Variants in NSMAF observed in about 807,000 individuals in gnomAD.
NSMAF encodes the protein protein FAN.
A neutral mutation model predicts 134.9 loss-of-function variants in NSMAF; 90 were observed. The ratio of observed to expected loss-of-function variants is 0.67; its 90% CI spans 0.56 to 0.79. The LOEUF is 0.79. Among genes scored for constraint, NSMAF ranks in the 30% least tolerant of loss-of-function variants. The pLI, the probability that NSMAF is intolerant of heterozygous loss-of-function variation, is 0.00. For missense variants in NSMAF, 1,010 were observed against 1,119.0 expected (o/e 0.90, Z 1.39); for synonymous variants, 358 against 389.6 (o/e 0.92, Z 0.96).
rs1585773854 is a variant in NSMAF, at chr8:58,659,675, G to C, written c.-44C>G. 7.5e-7 allele frequency: 1 copy of C among 1,338,408 alleles called. No homozygotes were observed. Among genetic ancestry groups the C allele is most frequent in the South Asian group, 1.9e-5 (1 of 52,164 alleles). 82.9% of individuals were successfully genotyped at this position (1,338,408 alleles called of 1,614,324 possible). On this transcript the variant is annotated 5_prime_UTR_variant, in exon 1 of 31. Transcript: ENST00000038176. ...GGCGCAGAGCGCACAGGCAGGCCCC[G>C]CCGCCGCCTGCCGAGGAGGTCCGGA...
intron 9 of NSMAF, among the ~76,000 whole-genome samples, chr8:58,621,066 T>A (rs1806777987): frequency 6.6e-6 from 1 of 152,026 alleles, no homozygotes; most frequent in South Asian, 2.1e-4. Context: ...TGGTATCTGA[T>A]AGGCAGTTTT....
chr8:58,634,647 T>C (rs1191631154), intron 5 of NSMAF, among the ~76,000 whole-genome samples: 2 of 152,170 alleles, frequency 1.3e-5, no homozygotes, highest in Non-Finnish European at 2.9e-5. Flanking sequence ...TAAATCTACA[T>C]ACTAATTAAT....
intron 27 of NSMAF, among the ~76,000 whole-genome samples, chr8:58,587,309 GC>G (rs1041211366): frequency 5.9e-5 from 9 of 152,118 alleles, no homozygotes; most frequent in Admixed American, 4.6e-4. Context: ...CTATCTTGTT[GC>G]CCCAAAGAGT....
At chr8:58,652,214 G>T (rs1807601247) in intron 1 of NSMAF, among the ~76,000 whole-genome samples, 1 of 152,180 alleles carries the variant, frequency 6.6e-6, no homozygotes, top group Non-Finnish European at 1.5e-5. Context: ...GATCTTAAAA[G>T]CAGTCAGAGA....
chr8:58,643,722 G>A (rs1462925086), intron 1 of NSMAF, among the ~76,000 whole-genome samples: 2 of 151,980 alleles, frequency 1.3e-5, no homozygotes, highest in Non-Finnish European at 2.9e-5. Context: ...GTAGAGACAG[G>A]GTTTCTCCAT....
chr8:58,626,024 T>C (rs1296363862), intron 6 of NSMAF, among the ~76,000 whole-genome samples: 2 of 151,930 alleles, frequency 1.3e-5, no homozygotes, highest in South Asian at 2.1e-4. Context: ...ACCCAATATG[T>C]AGTTTTTTTA....
chr8:58,631,363 A>G (rs779240328), intron 6 of NSMAF, 133 bp downstream of exon 6: 19 of 452,112 alleles, frequency 4.2e-5, no homozygotes, highest in Non-Finnish European at 6.4e-5. Context: ...TAATTTTGTT[A>G]TAACTTCCAG....
At chr8:58,585,805 A>C (rs1254781762) in intron 29 of NSMAF, 44 bp from the exon 30 acceptor site, 2 of 1,595,580 alleles carry the variant, frequency 1.3e-6, no homozygotes, top group African/African-American at 1.3e-5. Context: ...ATCATGAAGG[A>C]AGGATATGTT....
chr8:58,601,637 A>G (rs1453712318), intron 14 of NSMAF, 102 bp from the exon 15 acceptor site: 2 of 1,382,678 alleles, frequency 1.4e-6, no homozygotes, highest in South Asian at 1.6e-5. Flanking sequence ...TAGATATACC[A>G]TATTCCTTAA....
At position 58,659,815 on chromosome 8, in the gene NSMAF, C is replaced by T. The variant is rs1002704683; in HGVS notation, c.-184G>A. On this transcript the variant is annotated 5_prime_UTR_variant, in exon 1 of 31. An upstream open reading frame in the 5' UTR loses its in-frame stop. Coordinates refer to ENST00000038176, the MANE Select transcript of NSMAF (RefSeq NM_003580.4). Reference sequence around the variant, plus strand: ...CCCGACGCGGCGTCCCGGCCGCGCTCACCGCAGCATCCTCGCGTGGGGACT... The same window carrying T: ...CCCGACGCGGCGTCCCGGCCGCGCTTACCGCAGCATCCTCGCGTGGGGACT... The T allele has an allele frequency of 6.4e-6, 2 of 310,336 alleles. No homozygotes were observed. The highest frequency in any genetic ancestry group is 5.2e-5 in the Admixed American group (1 of 19,368). The allele number at this position is 310,336 out of a possible 1,614,324, so 19.2% of individuals were successfully genotyped here. A position where few individuals can be genotyped will look rare whatever the true frequency, so the allele number is the denominator to read the frequency against.
intron 5 of NSMAF, among the ~76,000 whole-genome samples, 186 bp from the exon 6 acceptor site, chr8:58,631,732 T>C (rs1807062402): frequency 6.6e-6 from 1 of 152,030 alleles, no homozygotes; most frequent in Non-Finnish European, 1.5e-5. Flanking sequence ...AAATAACAAA[T>C]ATCAAATTAA....
chr8:58,589,424 A>G (rs1805974903), intron 26 of NSMAF, 28 bp downstream of exon 26: 4 of 1,428,244 alleles, frequency 2.8e-6, no homozygotes, highest in Middle Eastern at 1.9e-4. Flanking sequence ...ACACCAAGTT[A>G]AAAAAACTTT....
chr8:58,614,203 C>A (rs1806602368), intron 9 of NSMAF, among the ~76,000 whole-genome samples: 1 of 152,170 alleles, frequency 6.6e-6, no homozygotes, highest in African/African-American at 2.4e-5. Flanking sequence ...ATTAGGCTGA[C>A]TTGTCTCAGA....
In NSMAF at chr8:58,659,792, C is replaced by T. The variant is rs1289246027; in HGVS notation, c.-161G>A. ...CGGCGCCGCTGGGCGGCCGAGAGCCCGACGCGGCGTCCCGGCCGCGCTCAC... is the reference window on the plus strand; with the variant it reads ...CGGCGCCGCTGGGCGGCCGAGAGCCTGACGCGGCGTCCCGGCCGCGCTCAC... On this transcript the variant is annotated 5_prime_UTR_variant, in exon 1 of 31. Transcript: ENST00000038176. 2 of 382,482 alleles carry T rather than the reference C, an allele frequency of 5.2e-6. No homozygotes were observed. Among genetic ancestry groups the T allele is most frequent in the Non-Finnish European group, 8.5e-6 (2 of 234,494 alleles). 23.7% of individuals were successfully genotyped at this position (382,482 alleles called of 1,614,324 possible). A position where few individuals can be genotyped will look rare whatever the true frequency, so the allele number is the denominator to read the frequency against.
intron 9 of NSMAF, among the ~76,000 whole-genome samples, chr8:58,622,543 GC>G (rs1415045909): frequency 6.6e-6 from 1 of 152,092 alleles, no homozygotes; most frequent in Admixed American, 6.6e-5. Flanking sequence ...ACAGGTGCCC[GC>G]CACCATGCCT....
intron 8 of NSMAF, 30 bp from the exon 9 acceptor site, chr8:58,623,302 T>A (rs116544617): frequency 4.2e-5 from 32 of 770,458 alleles, no homozygotes; most frequent in South Asian, 9.0e-5. Context: ...AAAAAAGTAT[T>A]TATAAGTATT....
At chr8:58,649,097 C>A (rs1201660051) in intron 1 of NSMAF, among the ~76,000 whole-genome samples, 2 of 152,220 alleles carry the variant, frequency 1.3e-5, no homozygotes, top group African/African-American at 4.8e-5. Context: ...CCCTTCAAAG[C>A]CACAGAGGCA....
chr8:58,617,411 T>C (rs1585744253), intron 9 of NSMAF, among the ~76,000 whole-genome samples: 1 of 152,098 alleles, frequency 6.6e-6, no homozygotes, highest in African/African-American at 2.4e-5. Flanking sequence ...AATCTACCCA[T>C]CTGACAAAAG....
intron 23 of NSMAF, among the ~76,000 whole-genome samples, chr8:58,592,909 AAC>A (rs375992364): frequency 0.29 from 38,061 of 132,316 alleles, 5,340 homozygotes; most frequent in East Asian, 0.39. Flanking sequence ...AAACAAAAAC[AAC>A]AACAACAAAA....
Sources: gnomAD v4.1 joint callset for allele counts (sites outside exome capture counted in the v4.1 genomes callset) on GRCh38, gnomAD v4.1.1 for gene constraint, MANE v1.5 for transcripts, NCBI Gene and HGNC (gene_info 2026-07-23, HGNC 2026-07-21) for gene names.